ATP11A: variants seen among roughly 807,000 people sequenced by gnomAD.
The protein encoded by ATP11A is phospholipid-transporting ATPase IH.
In ATP11A, 81 loss-of-function variants were observed where a neutral mutation model predicts 154.4. The ratio of observed to expected loss-of-function variants is 0.52; its 90% CI spans 0.44 to 0.63. The LOEUF is 0.63. ATP11A is among the 30% of genes least tolerant of loss of function. The probability of loss-of-function intolerance (pLI) is 0.00; values close to 1 mark genes in which losing one functional copy is unlikely to be tolerated. For synonymous variants in ATP11A, 623 were observed against 585.9 expected (o/e 1.06, Z -0.91); for missense variants, 1,316 against 1,474.3 (o/e 0.89, Z 1.76).
At chr13:112,809,154 G>A (rs1357354447) in intron 4 of ATP11A, among the ~76,000 whole-genome samples, 1 of 152,014 alleles carries the variant, frequency 6.6e-6, no homozygotes, top group African/African-American at 2.4e-5. Flanking sequence ...CTAAATAAGT[G>A]TGTTTAATGA....
At chr13:112,755,805 T>A (rs2076812009) in intron 1 of ATP11A, among the ~76,000 whole-genome samples, 2 of 125,340 alleles carry the variant, frequency 1.6e-5, no homozygotes, top group South Asian at 2.7e-4. Flanking sequence ...TCAGAGCGGC[T>A]CCCAGAACCA....
At position 112,819,925 on chromosome 13, in the gene ATP11A, A is replaced by G; in HGVS notation, c.700A>G (p.Ser234Gly). ...GTTCGTGGGTCGCATCAACGTTTAC[A>G]GTGACCTGAATGACCCCGTGGTGAG... Reference protein sequence around the residue: ...YKFVGRINVYSDLNDPVVRPL... With the variant: ...YKFVGRINVYGDLNDPVVRPL... The change falls in exon 8 of 30, where the codon AGT (serine) becomes GGT (glycine). Residue 234 changes from serine to glycine, a missense_variant. Coordinates refer to ENST00000375645, the MANE Select transcript of ATP11A (RefSeq NM_015205.3). 1.2e-6 allele frequency: 2 copies of G among 1,613,420 alleles called. No individual in the cohort carries two copies. Among genetic ancestry groups the G allele is most frequent in the Non-Finnish European group, 1.7e-6 (2 of 1,179,650 alleles).
chr13:112,776,195 C>T (rs1295837278), intron 1 of ATP11A, among the ~76,000 whole-genome samples: 1 of 152,228 alleles, frequency 6.6e-6, no homozygotes, highest in Admixed American at 6.5e-5. Context: ...GAAGGCACAC[C>T]TTGGGGCTGC....
intron 17 of ATP11A, among the ~76,000 whole-genome samples, chr13:112,846,549 C>A (rs1272914633): frequency 4.6e-5 from 7 of 152,176 alleles, no homozygotes; most frequent in African/African-American, 1.7e-4. Context: ...ATCCTCCTCG[C>A]TAACGGATGG....
intron 15 of ATP11A, among the ~76,000 whole-genome samples, 160 bp from the exon 16 acceptor site, chr13:112,836,018 A>G (rs559292760): frequency 6.6e-6 from 1 of 152,314 alleles, no homozygotes; most frequent in Non-Finnish European, 1.5e-5. Context: ...CTCTCAGGGC[A>G]TCCATGGGAG....
At chr13:112,850,955 G>GT in intron 17 of ATP11A, 82 bp from the exon 18 acceptor site, 1 of 1,310,394 alleles carries the variant, frequency 7.6e-7, no homozygotes, top group Non-Finnish European at 1.1e-6. Flanking sequence ...ATGAGAGAAG[G>GT]GATACTGGGA....
chr13:112,815,247 C>T (rs1211463947), intron 5 of ATP11A, among the ~76,000 whole-genome samples: 1 of 151,820 alleles, frequency 6.6e-6, no homozygotes, highest in Non-Finnish European at 1.5e-5. Context: ...ACTGAGATGC[C>T]TTCCTCACCC....
intron 12 of ATP11A, among the ~76,000 whole-genome samples, chr13:112,828,881 C>T (rs1002988072): frequency 4.9e-4 from 74 of 152,196 alleles, no homozygotes; most frequent in African/African-American, 1.7e-3. Flanking sequence ...CTGTGCAGTA[C>T]GATAACACGA....
At chr13:112,835,022 A>G (rs561411733) in intron 15 of ATP11A, among the ~76,000 whole-genome samples, 1 of 152,358 alleles carries the variant, frequency 6.6e-6, no homozygotes, top group East Asian at 1.9e-4. Context: ...CCACGAGGGG[A>G]GTGAGCAGCT....
chr13:112,835,698 C>T (rs886457798), intron 15 of ATP11A, among the ~76,000 whole-genome samples: 1 of 152,238 alleles, frequency 6.6e-6, no homozygotes, highest in East Asian at 1.9e-4. Context: ...CAAACACTTC[C>T]GATGCTCCAG....
At chr13:112,826,949 AC>A in intron 12 of ATP11A, 58 bp downstream of exon 12, 3 of 1,574,400 alleles carry the variant, frequency 1.9e-6, no homozygotes, top group Middle Eastern at 1.7e-4. Flanking sequence ...AGTCTGCTTC[AC>A]GTTCCTCAGG....
chr13:112,841,706 A>G lies in ATP11A; in HGVS notation c.1706-570A>G, dbSNP rs117513570. Reference sequence around the variant, plus strand: ...GCAGAACTGTCGTGGCCTTTGCTGTATGCTGCAGTGCCTGGAAGAGAAACT... The same window carrying G: ...GCAGAACTGTCGTGGCCTTTGCTGTGTGCTGCAGTGCCTGGAAGAGAAACT... On this transcript the variant is annotated intron_variant, in intron 16 of 29. Coordinates refer to ENST00000375645, the MANE Select transcript of ATP11A (RefSeq NM_015205.3). Among the ~76,000 whole-genome samples the G allele has an allele frequency of 7.2e-4, 109 of 152,386 alleles. No homozygotes were observed. In the East Asian group the frequency reaches 0.016, roughly 22 times the overall value.
chr13:112,700,936 C>T (rs1412100622), intron 1 of ATP11A, among the ~76,000 whole-genome samples: 1 of 152,248 alleles, frequency 6.6e-6, no homozygotes, highest in Non-Finnish European at 1.5e-5. Flanking sequence ...CTTCTCTCGC[C>T]CACTTATCTG....
At chr13:112,880,405 T>G in intron 29 of ATP11A, 1 of 650,884 alleles carries the variant, frequency 1.5e-6, no homozygotes, top group Non-Finnish European at 2.1e-6. Flanking sequence ...CCCTGGCAGC[T>G]CCATGACACC....
chr13:112,777,811 C>T (rs1464508823), intron 1 of ATP11A, among the ~76,000 whole-genome samples: 2 of 151,922 alleles, frequency 1.3e-5, no homozygotes, highest in African/African-American at 4.8e-5. Flanking sequence ...GACTTCCTCC[C>T]CCGTGGGCTC....
At chr13:112,724,532 G>A (rs545804189) in intron 1 of ATP11A, among the ~76,000 whole-genome samples, 4 of 152,116 alleles carry the variant, frequency 2.6e-5, no homozygotes, top group Admixed American at 6.5e-5. Flanking sequence ...GCCAGGATTC[G>A]TGCATCCAGA....
At chr13:112,730,020 G>T (rs1281702839) in intron 1 of ATP11A, among the ~76,000 whole-genome samples, 1 of 152,198 alleles carries the variant, frequency 6.6e-6, no homozygotes, top group Non-Finnish European at 1.5e-5. Flanking sequence ...GAGCTGGAAG[G>T]GTGCAGAGTC....
Position 112,690,427 on chromosome 13 carries a change from G to A in ATP11A, c.11G>A (p.Ser4Asn), listed in dbSNP as rs2139425153. MDC[S>N]LVRTLVHRYC... ...GCGGCCGGAGGAGCCATGGACTGCA[G>A]CCTCGTGCGGACGCTCGTGCACAGA... Residue 4 changes from serine (S) to asparagine (N), a missense_variant, in exon 1 of 30, where the codon AGC (serine) becomes AAC (asparagine). By Grantham distance (46) the Ser-to-Asn change is conservative. Transcript: ENST00000375645. This position sits in a 1 kb window ranked among gnomAD's most constrained non-coding sequence, Gnocchi z 5.6. 1 of 1,344,806 alleles carries A rather than the reference G, an allele frequency of 7.4e-7. No individual in the cohort carries two copies. The highest frequency in any genetic ancestry group is 2.1e-5 in the South Asian group (1 of 48,502). 83.3% of individuals were successfully genotyped at this position (1,344,806 alleles called of 1,614,324 possible). A position where few individuals can be genotyped will look rare whatever the true frequency, so the allele number is the denominator to read the frequency against.
At position 112,777,873 on chromosome 13, in the gene ATP11A, G is replaced by A. The variant is rs141120484; in HGVS notation, c.40-7262G>A. 4.5e-4 allele frequency among the ~76,000 whole-genome samples: 69 copies of A among 152,250 alleles called. No homozygotes were observed. The East Asian group carries it at 8.9e-3, about 20-fold the overall frequency. On this transcript the variant is annotated intron_variant, in intron 1 of 29. Coordinates refer to ENST00000375645, the MANE Select transcript of ATP11A (RefSeq NM_015205.3). The stretch of plus-strand genomic sequence containing the variant: ...CCTCCCCATGCGCTCCCCACACGCC[G>A]CTCACCGTGCCTTTCTCCCCCAACG...
Sources: gnomAD v4.1 joint callset for allele counts (sites outside exome capture counted in the v4.1 genomes callset) on GRCh38, gnomAD v4.1.1 for gene constraint, Gnocchi (gnomAD v3.1) non-coding constraint, MANE v1.5 for transcripts, NCBI Gene and HGNC (gene_info 2026-07-23, HGNC 2026-07-21) for gene names.